PHF21B: variants seen among roughly 807,000 people sequenced by gnomAD.
PHF21B encodes PHD finger protein 21B, also known as PHD finger protein 4.
In PHF21B, 22 loss-of-function variants were observed where a neutral mutation model predicts 62.2. That is an observed-to-expected ratio of 0.35 (90% CI 0.25 to 0.51). The LOEUF is 0.51. Among genes scored for constraint, PHF21B ranks in the 20% least tolerant of loss-of-function variants. PHF21B has a pLI of 0.97. For synonymous variants in PHF21B, 341 were observed against 314.7 expected (o/e 1.08, Z -0.88); for missense variants, 701 against 707.9 (o/e 0.99, Z 0.11).
intron 2 of PHF21B, among the ~76,000 whole-genome samples, chr22:44,932,892 C>T (rs1242622212): frequency 6.6e-6 from 1 of 152,098 alleles, no homozygotes; most frequent in African/African-American, 2.4e-5. Context: ...GGCCACAGCT[C>T]ACTGGATTTG....
At chr22:44,995,544 T>C (rs1281680608) in intron 2 of PHF21B, among the ~76,000 whole-genome samples, 1 of 152,126 alleles carries the variant, frequency 6.6e-6, no homozygotes, top group Non-Finnish European at 1.5e-5. Flanking sequence ...CCCAGGAGTC[T>C]GGGGCTCACT....
Position 44,916,487 on chromosome 22 carries a change from A to G in PHF21B, c.357T>C (p.Thr119=), listed in dbSNP as rs1299820803. The change falls in exon 4 of 13, where the codon ACT becomes ACC. Residue 119 remains threonine (T), a synonymous_variant. Coordinates refer to ENST00000313237, the MANE Select transcript of PHF21B (RefSeq NM_138415.5). ...PSPALPTANN[T]VSHVPAPGSQ... ...TGCCGGGCGCTGGCACATGGCTGAC[A>G]GTGTTGTTGGCGGTGGGGAGGGCTG... 2.8e-6 allele frequency: 4 copies of G among 1,436,164 alleles called. No individual in the cohort carries two copies. The highest frequency in any genetic ancestry group is 3.8e-6 in the Non-Finnish European group (4 of 1,066,102). The allele number at this position is 1,436,164 out of a possible 1,614,324, so 89.0% of individuals were successfully genotyped here.
chr22:44,906,055 C>T lies in PHF21B; in HGVS notation c.831+7767G>A, dbSNP rs536305202. Among the ~76,000 whole-genome samples the T allele has an allele frequency of 1.6e-4, 25 of 152,320 alleles. No individual in the cohort carries two copies. The South Asian group carries it at 2.1e-3, about 13-fold the overall frequency. ...TCTTACCCAAGGAATTCTTGGAACC[C>T]GCTGCCCTGTGTGAGCTGCCCACCC... On this transcript the variant is annotated intron_variant, in intron 5 of 12. Coordinates refer to ENST00000313237, the MANE Select transcript of PHF21B (RefSeq NM_138415.5).
At chr22:44,925,072 G>A (rs373783031) in intron 2 of PHF21B, among the ~76,000 whole-genome samples, 2 of 152,206 alleles carry the variant, frequency 1.3e-5, no homozygotes. Flanking sequence ...ACTGTATGAT[G>A]CTAGTTATAC....
rs2070764425 is a variant in PHF21B at position 44,882,955 on chromosome 22, C to G, written c.*131G>C. The G allele has an allele frequency of 1.7e-6, 2 of 1,144,898 alleles. No individual in the cohort carries two copies. The highest frequency in any genetic ancestry group is 1.5e-5 in the African/African-American group (1 of 64,620). 70.9% of individuals were successfully genotyped at this position (1,144,898 alleles called of 1,614,324 possible). ...AGGCCTCTCGCCCAGCTCTTCCTCC[C>G]TCCTCTCCTCTGTCTGGTTAATTTT... On this transcript the variant is annotated 3_prime_UTR_variant, in exon 13 of 13. Coordinates refer to ENST00000313237, the MANE Select transcript of PHF21B (RefSeq NM_138415.5).
At chr22:44,956,010 C>A (rs2072289305) in intron 2 of PHF21B, among the ~76,000 whole-genome samples, 1 of 152,208 alleles carries the variant, frequency 6.6e-6, no homozygotes, top group South Asian at 2.1e-4. Flanking sequence ...GGTGCTTTGT[C>A]CTGGGCACAG....
intron 2 of PHF21B, among the ~76,000 whole-genome samples, chr22:44,922,216 G>C: frequency 6.6e-6 from 1 of 152,242 alleles, no homozygotes; most frequent in Non-Finnish European, 1.5e-5. Context: ...AAGTCAGTCT[G>C]TGTAATTTGC....
rs566762550 is a variant in PHF21B, at chr22:44,916,508, G to A, written c.336C>T (p.Ala112=). The change falls in exon 4 of 13, where the codon GCC becomes GCT. Residue 112 remains alanine (A), a synonymous_variant. Transcript: ENST00000313237. ...TVVSVKNPSP[A]LPTANNTVSH... ...TGACAGTGTTGTTGGCGGTGGGGAG[G>A]GCTGGGCTGGGGTTCTTGACGCTGA... 12 of 1,609,192 alleles carry A rather than the reference G, an allele frequency of 7.5e-6. No homozygotes were observed. In the South Asian group the frequency reaches 7.7e-5, roughly 10 times the overall value.
intron 5 of PHF21B, among the ~76,000 whole-genome samples, chr22:44,907,638 C>T (rs540203210): frequency 1.3e-5 from 2 of 152,176 alleles, no homozygotes; most frequent in African/African-American, 2.4e-5. Context: ...GCCTTGGTCA[C>T]GGGAAGGGCG....
chr22:44,903,456 T>C (rs946695824), intron 5 of PHF21B, among the ~76,000 whole-genome samples: 3 of 151,516 alleles, frequency 2.0e-5, no homozygotes, highest in Non-Finnish European at 4.4e-5. Context: ...TGCTCATGTC[T>C]GAAATCCACA....
chr22:44,990,987 G>A (rs887864136), intron 2 of PHF21B, among the ~76,000 whole-genome samples: 13 of 152,188 alleles, frequency 8.5e-5, no homozygotes, highest in African/African-American at 3.1e-4. Flanking sequence ...CCCTGCTGCC[G>A]CGGCTCCTCC....
At chr22:44,954,521 G>A (rs1039997170) in intron 2 of PHF21B, among the ~76,000 whole-genome samples, 17 of 152,348 alleles carry the variant, frequency 1.1e-4, no homozygotes, top group Admixed American at 2.0e-4. Flanking sequence ...GGCACTAGCC[G>A]AGCCAGCGTG....
chr22:44,991,359 G>C (rs1029232917), intron 2 of PHF21B, among the ~76,000 whole-genome samples: 6 of 152,124 alleles, frequency 3.9e-5, no homozygotes, highest in African/African-American at 1.2e-4. Flanking sequence ...GGGATTTCCG[G>C]TGCCTGGAAA....
At chr22:44,943,973 A>C (rs1050737692) in intron 2 of PHF21B, among the ~76,000 whole-genome samples, 1 of 152,190 alleles carries the variant, frequency 6.6e-6, no homozygotes, top group Non-Finnish European at 1.5e-5. Flanking sequence ...CTTTGGACTC[A>C]ACAGTACACT....
intron 1 of PHF21B, 164 bp from the exon 2 acceptor site, chr22:45,008,774 T>C: frequency 8.7e-7 from 1 of 1,153,488 alleles, no homozygotes; most frequent in Non-Finnish European, 1.1e-6. Context: ...GGCCGGGCAG[T>C]GCCGCGCGGG....
chr22:44,917,550 T>A lies in PHF21B; in HGVS notation c.214-920A>T, dbSNP rs144054209. ...GAGACAAGGGGACAAGGAGAAGGGGTACGACCTGCCTTCTCATCTGAACCC... is the reference window on the plus strand; with the variant it reads ...GAGACAAGGGGACAAGGAGAAGGGGAACGACCTGCCTTCTCATCTGAACCC... On this transcript the variant is annotated intron_variant, in intron 3 of 12. Coordinates refer to ENST00000313237, the MANE Select transcript of PHF21B (RefSeq NM_138415.5). 2.3e-3 allele frequency among the ~76,000 whole-genome samples: 352 copies of A among 152,180 alleles called. 2 individuals are homozygous for A. The highest frequency in any genetic ancestry group is 7.8e-3 in the African/African-American group (322 of 41,522).
At chr22:44,973,761 GTGGGGTCGCCA>G (rs1195785731) in intron 2 of PHF21B, among the ~76,000 whole-genome samples, 1 of 152,010 alleles carries the variant, frequency 6.6e-6, no homozygotes, top group Non-Finnish European at 1.5e-5. Flanking sequence ...CAGTGTAAGG[GTGGGGTCGCCA>G]TGGGAGAGGA....
At position 44,954,206 on chromosome 22, in the gene PHF21B, C is replaced by A. The variant is rs187519998; in HGVS notation, c.121-33716G>T. ...CTTTCTTGTTGTTAAAAAAAAAATC[C>A]CCTTGGAAAATACTTTTGCAAGCAC... On this transcript the variant is annotated intron_variant, in intron 2 of 12. Transcript: ENST00000313237. 7.4e-4 allele frequency among the ~76,000 whole-genome samples: 113 copies of A among 152,330 alleles called. 1 individual carries two copies. Among genetic ancestry groups the A allele is most frequent in the African/African-American group, 2.7e-3 (112 of 41,562 alleles).
intron 2 of PHF21B, among the ~76,000 whole-genome samples, chr22:44,970,481 C>T (rs1304183816): frequency 6.6e-6 from 1 of 152,220 alleles, no homozygotes; most frequent in African/African-American, 2.4e-5. Flanking sequence ...AGGTCTGCTG[C>T]TACAGAGCCA....
Sources: gnomAD v4.1 joint callset for allele counts (sites outside exome capture counted in the v4.1 genomes callset) on GRCh38, gnomAD v4.1.1 for gene constraint, MANE v1.5 for transcripts, NCBI Gene and HGNC (gene_info 2026-07-23, HGNC 2026-07-21) for gene names.